The following KCND3 variants were observed in gnomAD, a reference collection of about 807,000 sequenced individuals.
KCND3 encodes A-type voltage-gated potassium channel KCND3.
Under a neutral mutation model 51.1 loss-of-function variants are expected in KCND3, and 9 were observed. That is an observed-to-expected ratio of 0.18 (90% CI 0.11 to 0.31). The LOEUF (loss-of-function observed/expected upper bound fraction) is 0.31. Ranked by LOEUF, KCND3 falls within the 10% of genes least tolerant of loss-of-function variation. KCND3 has a pLI of 1.00. For missense variants in KCND3, 526 were observed against 903.8 expected (o/e 0.58, Z 5.36); for synonymous variants, 349 against 368.0 (o/e 0.95, Z 0.59).
At chr1:111,854,186 C>G (rs964229987) in intron 2 of KCND3, 1 of 152,222 alleles carries the variant, frequency 6.6e-6, no homozygotes, top group Non-Finnish European at 1.5e-5. Context: ...AAGCAGGCAC[C>G]TGGCAGCTGA....
intron 2 of KCND3, among the ~76,000 whole-genome samples, chr1:111,810,102 G>T (rs951318779): frequency 2.0e-5 from 3 of 152,264 alleles, no homozygotes; most frequent in South Asian, 2.1e-4. Flanking sequence ...TTCTGCCCAG[G>T]ATCATGGAAC....
intron 2 of KCND3, among the ~76,000 whole-genome samples, chr1:111,923,067 C>A (rs902905161): frequency 3.3e-5 from 5 of 152,158 alleles, no homozygotes; most frequent in African/African-American, 1.2e-4. Context: ...TGACCATGTG[C>A]AAATTGCCTG....
chr1:111,937,132 G>C (rs1213552195), intron 2 of KCND3, among the ~76,000 whole-genome samples: 1 of 152,150 alleles, frequency 6.6e-6, no homozygotes, highest in African/African-American at 2.4e-5. Flanking sequence ...TCCCAAGCTG[G>C]GCTGACATCC....
chr1:111,916,866 TG>T (rs1165695549), intron 2 of KCND3, among the ~76,000 whole-genome samples: 1 of 152,212 alleles, frequency 6.6e-6, no homozygotes, highest in Non-Finnish European at 1.5e-5. Flanking sequence ...AATAGATAAC[TG>T]GAATAGCCCT....
chr1:111,800,494 C>T (rs1186704937), intron 2 of KCND3, among the ~76,000 whole-genome samples: 3 of 134,588 alleles, frequency 2.2e-5, no homozygotes, highest in Non-Finnish European at 4.7e-5. Context: ...TGTCCCATGA[C>T]CCTGCCAAAT....
chr1:111,949,190 CT>C (rs1257256346), intron 2 of KCND3, among the ~76,000 whole-genome samples: 1 of 152,222 alleles, frequency 6.6e-6, no homozygotes, highest in Non-Finnish European at 1.5e-5. Flanking sequence ...ATAGTTCTGA[CT>C]GTGTCACTCA....
chr1:111,973,992 C>T (rs555189807), intron 2 of KCND3, among the ~76,000 whole-genome samples: 2 of 152,306 alleles, frequency 1.3e-5, no homozygotes, highest in South Asian at 2.1e-4. Context: ...GACACTCATT[C>T]GAGTCCTGAC....
intron 2 of KCND3, among the ~76,000 whole-genome samples, chr1:111,808,171 G>C (rs934613250): frequency 2.0e-5 from 3 of 152,164 alleles, no homozygotes; most frequent in African/African-American, 7.2e-5. Context: ...TCTAACGCCT[G>C]GGATAGAGAA....
At position 111,981,988 on chromosome 1, in the gene KCND3, C is replaced by T. The variant is rs373756710; in HGVS notation, c.739G>A (p.Ala247Thr). 23 of 1,613,786 alleles carry T rather than the reference C, an allele frequency of 1.4e-5. No homozygotes were observed. The highest frequency in any genetic ancestry group is 8.5e-7 in the Non-Finnish European group (1 of 1,180,020). Residue 247 changes from alanine to threonine, a missense_variant, in exon 2 of 8, where the codon GCG (alanine) becomes ACG (threonine). By Grantham distance (58) the Ala-to-Thr change is moderately conservative. Coordinates refer to ENST00000302127, the MANE Select transcript of KCND3 (RefSeq NM_001378969.1). The surrounding 1 kb of genome is among the most constrained non-coding windows in gnomAD (Gnocchi z 6.2). ...FTVEYLLRLF[A>T]APSRYRFIRS... ...ATGAAGCGGTAGCGGCTGGGAGCCG[C>T]GAAGAGCCGCAGGAGGTACTCCACG...
intron 2 of KCND3, among the ~76,000 whole-genome samples, chr1:111,926,205 A>T (rs1258993146): frequency 6.6e-6 from 1 of 152,148 alleles, no homozygotes; most frequent in African/African-American, 2.4e-5. Flanking sequence ...ATGGCATAAG[A>T]TCTCCTTAAA....
chr1:111,806,991 T>C (rs904138925), intron 2 of KCND3, among the ~76,000 whole-genome samples: 3 of 152,168 alleles, frequency 2.0e-5, no homozygotes, highest in Non-Finnish European at 4.4e-5. Flanking sequence ...GGAATTTGGG[T>C]TAAGGAGGTC....
intron 3 of KCND3, among the ~76,000 whole-genome samples, chr1:111,783,245 T>G (rs538221750): frequency 6.8e-6 from 1 of 147,494 alleles, no homozygotes; most frequent in East Asian, 2.0e-4. Flanking sequence ...AAGTGACTTA[T>G]CCAGGGAAAG....
chr1:111,775,841 CCT>C lies in KCND3; in HGVS notation c.*234_*235del. 1 of 181,028 alleles carries C rather than the reference CCT, an allele frequency of 5.5e-6. No individual in the cohort carries two copies. Among genetic ancestry groups the C allele is most frequent in the African/African-American group, 2.6e-5 (1 of 38,660 alleles). The allele number at this position is 181,028 out of a possible 1,614,324, so 11.2% of individuals were successfully genotyped here. A position where few individuals can be genotyped will look rare whatever the true frequency, so the allele number is the denominator to read the frequency against. On this transcript the variant is annotated 3_prime_UTR_variant, in exon 8 of 8. Coordinates refer to ENST00000302127, the MANE Select transcript of KCND3 (RefSeq NM_001378969.1). The stretch of plus-strand genomic sequence containing the variant: ...CCGACCCCCCCACCCTCCCTCCCTT[CCT>C]CTGGCCCCAGTGAGATGCAGTATCA...
chr1:111,951,400 GAC>G (rs1673057776), intron 2 of KCND3, among the ~76,000 whole-genome samples: 1 of 152,014 alleles, frequency 6.6e-6, no homozygotes, highest in Non-Finnish European at 1.5e-5. Context: ...TTTTATGGAT[GAC>G]ACAGTCTAAA....
Position 111,981,509 on chromosome 1 carries a change from TG to T in KCND3, c.1106+111del. The stretch of plus-strand genomic sequence containing the variant: ...AGCAACTTCCCCTGCCCCCAACACT[TG>T]GGTAAGGGACTCCCTCCTCCTCTAC... On this transcript the variant is annotated intron_variant, in intron 2 of 7. Transcript: ENST00000302127. The surrounding 1 kb of genome is among the most constrained non-coding windows in gnomAD (Gnocchi z 6.2). 1 of 1,491,650 alleles carries T rather than the reference TG, an allele frequency of 6.7e-7. No homozygotes were observed. Among genetic ancestry groups the T allele is most frequent in the South Asian group, 1.2e-5 (1 of 86,916 alleles). The allele number at this position is 1,491,650 out of a possible 1,614,324, so 92.4% of individuals were successfully genotyped here.
chr1:111,863,033 T>C (rs1051436533), intron 2 of KCND3, among the ~76,000 whole-genome samples: 1 of 152,222 alleles, frequency 6.6e-6, no homozygotes, highest in Non-Finnish European at 1.5e-5. Flanking sequence ...GAAAGCGGAC[T>C]AATGATAGCA....
intron 2 of KCND3, among the ~76,000 whole-genome samples, chr1:111,825,822 CT>C (rs1450315877): frequency 6.6e-6 from 1 of 152,158 alleles, no homozygotes; most frequent in Non-Finnish European, 1.5e-5. Context: ...CTGATTCTTT[CT>C]AATTTTTGCT....
intron 2 of KCND3, among the ~76,000 whole-genome samples, chr1:111,843,295 G>C (rs746144791): frequency 1.3e-5 from 2 of 152,220 alleles, no homozygotes; most frequent in Non-Finnish European, 2.9e-5. Context: ...AGTCCCACCA[G>C]AGGCCCTACC....
At chr1:111,888,474 T>C (rs1571801355) in intron 2 of KCND3, among the ~76,000 whole-genome samples, 1 of 151,738 alleles carries the variant, frequency 6.6e-6, no homozygotes, top group Non-Finnish European at 1.5e-5. Context: ...TCACCTGAGG[T>C]CAGGCGTTCC....
Sources: gnomAD v4.1 joint callset for allele counts (sites outside exome capture counted in the v4.1 genomes callset) on GRCh38, gnomAD v4.1.1 for gene constraint, Gnocchi (gnomAD v3.1) non-coding constraint, MANE v1.5 for transcripts, NCBI Gene and HGNC (gene_info 2026-07-23, HGNC 2026-07-21) for gene names.